CSTPP1: variants seen among roughly 807,000 people sequenced by gnomAD.
CSTPP1 encodes UPF0705 protein C11orf49.
At chr11:47,156,659 G>A in the CSTPP1 span, among the ~76,000 whole-genome samples, 2 of 152,114 alleles carry the variant, frequency 1.3e-5, no homozygotes, top group African/African-American at 2.4e-5. Flanking sequence ...GCATGACCCC[G>A]CCTTTGTGCA....
At chr11:47,046,193 G>A in the CSTPP1 span, among the ~76,000 whole-genome samples, 4 of 149,498 alleles carry the variant, frequency 2.7e-5, no homozygotes, top group Non-Finnish European at 5.9e-5. Context: ...AGAAATAAAT[G>A]ACATCCAAAT....
chr11:46,955,740 CT>C, the CSTPP1 span, among the ~76,000 whole-genome samples: 7 of 151,884 alleles, frequency 4.6e-5, no homozygotes, highest in Non-Finnish European at 7.4e-5. Context: ...GCCTGCAATC[CT>C]AGTACCCTGG....
At chr11:47,120,259 C>T in the CSTPP1 span, among the ~76,000 whole-genome samples, 2 of 152,094 alleles carry the variant, frequency 1.3e-5, no homozygotes, top group Non-Finnish European at 2.9e-5. This position sits in a 1 kb window ranked among gnomAD's most constrained non-coding sequence, Gnocchi z 4.2. Context: ...ATTCATTGAA[C>T]GTTTTTTTAA....
At chr11:46,955,437 C>T in the CSTPP1 span, among the ~76,000 whole-genome samples, 1 of 149,952 alleles carries the variant, frequency 6.7e-6, no homozygotes, top group Non-Finnish European at 1.5e-5. Context: ...GATCTCAGCT[C>T]ACTGCAACCT....
At chr11:47,152,461 G>C in the CSTPP1 span, among the ~76,000 whole-genome samples, 1 of 152,148 alleles carries the variant, frequency 6.6e-6, no homozygotes. Context: ...ATAGCTTCTA[G>C]TCCCATCTGT....
At chr11:47,084,312 A>G in the CSTPP1 span, among the ~76,000 whole-genome samples, 2,220 of 152,168 alleles carry the variant, frequency 0.015, 54 homozygotes, top group African/African-American at 0.051. Context: ...TACAAGTTAG[A>G]TATGTTCATT....
At chr11:47,046,315 A>G in the CSTPP1 span, among the ~76,000 whole-genome samples, 1 of 151,842 alleles carries the variant, frequency 6.6e-6, no homozygotes, top group African/African-American at 2.4e-5. Context: ...TAGAGCTTAT[A>G]AATGAATTCA....
the CSTPP1 span, among the ~76,000 whole-genome samples, chr11:47,062,669 C>T: frequency 1.6e-4 from 24 of 152,164 alleles, no homozygotes; most frequent in Admixed American, 3.9e-4. Context: ...ATAGTACATC[C>T]GTTCCTTCTT....
At chr11:46,946,310 G>C in the CSTPP1 span, among the ~76,000 whole-genome samples, 1 of 152,226 alleles carries the variant, frequency 6.6e-6, no homozygotes, top group Non-Finnish European at 1.5e-5. Context: ...AATGCAATAT[G>C]TGCTAAATGA....
chr11:47,148,003 C>A, the CSTPP1 span, among the ~76,000 whole-genome samples: 1 of 152,102 alleles, frequency 6.6e-6, no homozygotes, highest in East Asian at 1.9e-4. Context: ...CCTGGAGGTG[C>A]GGGCTGGAGC....
At chr11:46,947,865 C>G in the CSTPP1 span, among the ~76,000 whole-genome samples, 1 of 152,052 alleles carries the variant, frequency 6.6e-6, no homozygotes, top group Non-Finnish European at 1.5e-5. Flanking sequence ...TGGGACAGTC[C>G]CATTGGCCCA....
the CSTPP1 span, among the ~76,000 whole-genome samples, chr11:46,944,229 A>G: frequency 7.0e-6 from 1 of 142,378 alleles, no homozygotes; most frequent in Non-Finnish European, 1.5e-5. Context: ...GAGACACGAG[A>G]ATTGCTTGAA....
chr11:47,114,191 T>A, the CSTPP1 span, among the ~76,000 whole-genome samples: 1 of 152,222 alleles, frequency 6.6e-6, no homozygotes, highest in East Asian at 1.9e-4. Flanking sequence ...GCCTCTGTTC[T>A]GTTCCATTGG....
chr11:47,039,477 C>T, the CSTPP1 span, among the ~76,000 whole-genome samples: 10 of 126,326 alleles, frequency 7.9e-5, 1 homozygote, highest in Admixed American at 3.4e-4. Context: ...AGAGGGAGAC[C>T]GTGGGGAGAG....
the CSTPP1 span, chr11:47,161,468 G>A: frequency 3.1e-6 from 5 of 1,613,780 alleles, no homozygotes; most frequent in Admixed American, 8.3e-5. Flanking sequence ...CTTCAGGCTG[G>A]CCCAGGTCCC....
chr11:47,151,187 G>T, the CSTPP1 span, among the ~76,000 whole-genome samples: 1 of 152,176 alleles, frequency 6.6e-6, no homozygotes, highest in Non-Finnish European at 1.5e-5. Flanking sequence ...GCCTAGGTGG[G>T]CAGCTCATGA....
chr11:47,122,091 A>AAAAATATAT, the CSTPP1 span, among the ~76,000 whole-genome samples: 263 of 31,750 alleles, frequency 8.3e-3, 7 homozygotes, highest in Non-Finnish European at 0.011. Flanking sequence ...AAAAAAAAAA[A>AAAAATATAT]ATATATATAT....
chr11:47,041,765 C>G, the CSTPP1 span: 1 of 530,732 alleles, frequency 1.9e-6, no homozygotes, highest in Non-Finnish European at 3.8e-6. Flanking sequence ...TCAAAACCAT[C>G]TGAGATGTTG....
At chr11:47,037,611 GC>G in the CSTPP1 span, among the ~76,000 whole-genome samples, 1 of 118,104 alleles carries the variant, frequency 8.5e-6, no homozygotes, top group Admixed American at 9.4e-5. Context: ...CTGCCTTCAA[GC>G]ATCTGTTTAA....
Sources: allele counts gnomAD v4.1 joint callset (sites outside exome capture counted in the v4.1 genomes callset), GRCh38; gene constraint gnomAD v4.1.1; non-coding constraint Gnocchi (gnomAD v3.1); transcripts MANE v1.5; gene names NCBI Gene and HGNC (gene_info 2026-07-23, HGNC 2026-07-21).